The following TMCC1 variants were observed in gnomAD, a reference collection of about 807,000 sequenced individuals.
The protein encoded by TMCC1 is transmembrane and coiled-coil domains protein 1.
Under a neutral mutation model 52.4 loss-of-function variants are expected in TMCC1, and 15 were observed. The ratio of observed to expected loss-of-function variants is 0.29; its 90% confidence interval spans 0.19 to 0.44. The LOEUF is 0.44. Among genes scored for constraint, TMCC1 ranks in the 20% least tolerant of loss-of-function variants. TMCC1 has a pLI of 1.00. For missense variants in TMCC1, 503 were observed against 806.0 expected, an observed-to-expected ratio of 0.62 and a Z score of 4.55; for synonymous variants, 279 against 301.9, an observed-to-expected ratio of 0.92 and a Z score of 0.79.
At chr3:129,736,289 T>C (rs936703777) in intron 4 of TMCC1, among the ~76,000 whole-genome samples, 6 of 152,180 alleles carry the variant, frequency 3.9e-5, no homozygotes, top group Admixed American at 6.5e-5. Flanking sequence ...TGGCAGGACA[T>C]ACCTGTATCC....
intron 4 of TMCC1, among the ~76,000 whole-genome samples, chr3:129,716,713 G>A (rs568166285): frequency 3.3e-5 from 5 of 152,058 alleles, no homozygotes; most frequent in South Asian, 2.1e-4. Context: ...CAACTGCCCG[G>A]CAGATAAAGC....
At chr3:129,841,336 C>T (rs950750432) in intron 2 of TMCC1, among the ~76,000 whole-genome samples, 20 of 152,168 alleles carry the variant, frequency 1.3e-4, no homozygotes, top group African/African-American at 4.6e-4. Flanking sequence ...CCTGTAATCC[C>T]GGCACTTTGG....
chr3:129,858,167 A>G (rs536398366), intron 2 of TMCC1, among the ~76,000 whole-genome samples: 111 of 152,198 alleles, frequency 7.3e-4, no homozygotes, highest in African/African-American at 2.6e-3. Flanking sequence ...CAGCAGGCAG[A>G]AAAACTGGAA....
intron 2 of TMCC1, among the ~76,000 whole-genome samples, chr3:129,856,392 C>A (rs1317657745): frequency 1.3e-5 from 2 of 152,116 alleles, no homozygotes; most frequent in Admixed American, 1.3e-4. Flanking sequence ...CCTATGAAGT[C>A]TATGTTAACT....
At chr3:129,834,492 A>C (rs1388169214) in intron 2 of TMCC1, among the ~76,000 whole-genome samples, 1 of 152,188 alleles carries the variant, frequency 6.6e-6, no homozygotes, top group Non-Finnish European at 1.5e-5. Flanking sequence ...GAAAAACCTA[A>C]AGGCCAAAAC....
At position 129,852,456 on chromosome 3, in the gene TMCC1, CAAAA is replaced by C. The variant is rs1015860543; in HGVS notation, c.-183-19634_-183-19631del. On this transcript the variant is annotated intron_variant, in intron 2 of 6. Coordinates refer to ENST00000393238, the MANE Select transcript of TMCC1 (RefSeq NM_001017395.5). ...TGGGTGACAGAACGAGACACCGTCT[CAAAA>C]AAAAAAAAAAAAAAAAAAAAAGGAA... 1.7e-3 allele frequency among the ~76,000 whole-genome samples: 67 copies of C among 39,826 alleles called. 1 individual carries two copies. In the South Asian group the frequency reaches 0.067, roughly 40 times the overall value. The allele number at this position is 39,826 out of a possible 152,430, so 26.1% of individuals were successfully genotyped here.
At chr3:129,675,472 G>A (rs533834389) in intron 4 of TMCC1, among the ~76,000 whole-genome samples, 1 of 152,266 alleles carries the variant, frequency 6.6e-6, no homozygotes, top group African/African-American at 2.4e-5. Flanking sequence ...AAATATAAAA[G>A]GGCTTAGAAC....
intron 2 of TMCC1, among the ~76,000 whole-genome samples, chr3:129,859,380 C>A (rs974657242): frequency 6.6e-6 from 1 of 151,988 alleles, no homozygotes. Flanking sequence ...ACGCGTTATC[C>A]CAGCACTTTG....
intron 4 of TMCC1, among the ~76,000 whole-genome samples, chr3:129,755,489 CA>C (rs1464913672): frequency 6.6e-6 from 1 of 151,894 alleles, no homozygotes; most frequent in Non-Finnish European, 1.5e-5. Context: ...AAAATATTTG[CA>C]AATCAGAAAT....
chr3:129,790,679 C>CT (rs1438338600), intron 4 of TMCC1, among the ~76,000 whole-genome samples: 2 of 152,146 alleles, frequency 1.3e-5, no homozygotes, highest in Non-Finnish European at 2.9e-5. Flanking sequence ...TAAAGAATGT[C>CT]TAACTCACTG....
intron 1 of TMCC1, among the ~76,000 whole-genome samples, chr3:129,888,487 T>C (rs918763772): frequency 2.6e-5 from 4 of 152,146 alleles, no homozygotes; most frequent in Admixed American, 1.3e-4. Context: ...CCTTGAGAAA[T>C]GACTGATTAC....
At chr3:129,880,859 T>C (rs1047210436) in intron 1 of TMCC1, among the ~76,000 whole-genome samples, 1 of 151,566 alleles carries the variant, frequency 6.6e-6, no homozygotes, top group African/African-American at 2.4e-5. Flanking sequence ...CTGCAAATTT[T>C]TTTTCTTTTT....
chr3:129,845,696 T>C (rs1412770925), intron 2 of TMCC1, among the ~76,000 whole-genome samples: 1 of 152,036 alleles, frequency 6.6e-6, no homozygotes, highest in South Asian at 2.1e-4. Flanking sequence ...GAGAAAAGGG[T>C]TGTGACAACT....
At chr3:129,664,597 T>C (rs534796939) in intron 5 of TMCC1, among the ~76,000 whole-genome samples, 14 of 152,208 alleles carry the variant, frequency 9.2e-5, no homozygotes, top group Admixed American at 2.0e-4. Context: ...ATGGCATTAA[T>C]GCTCATCAAC....
chr3:129,823,656 A>C (rs1346509589), intron 4 of TMCC1, among the ~76,000 whole-genome samples: 1 of 152,190 alleles, frequency 6.6e-6, no homozygotes, highest in African/African-American at 2.4e-5. Flanking sequence ...ACAAAAAAAC[A>C]GTCTGCAATA....
intron 4 of TMCC1, among the ~76,000 whole-genome samples, chr3:129,741,331 A>T (rs1196806709): frequency 6.6e-6 from 1 of 152,184 alleles, no homozygotes; most frequent in Non-Finnish European, 1.5e-5. Context: ...TTTCAAATAT[A>T]ATAATCCCTT....
intron 4 of TMCC1, among the ~76,000 whole-genome samples, chr3:129,773,174 T>C (rs1057289716): frequency 3.9e-5 from 6 of 152,332 alleles, no homozygotes; most frequent in African/African-American, 1.2e-4. Flanking sequence ...TGGAATACCA[T>C]GCAACTTTAA....
At chr3:129,809,717 G>C (rs570515331) in intron 4 of TMCC1, among the ~76,000 whole-genome samples, 5 of 152,270 alleles carry the variant, frequency 3.3e-5, no homozygotes, top group Non-Finnish European at 7.4e-5. Context: ...TTAAAGTACT[G>C]AAATCCTGCA....
In TMCC1 at chr3:129,680,985, C is replaced by T. The variant is rs557987599; in HGVS notation, c.577-9721G>A. ...CATCCTTTCTCCTAAAATTTATTAA[C>T]TATGTATATGCAAAGTATGAAGCAA... is the stretch of plus-strand genomic sequence containing the variant. On this transcript the variant is annotated intron_variant, in intron 4 of 6. Transcript: ENST00000393238. Among the ~76,000 whole-genome samples, 34 of 151,796 alleles carry T rather than the reference C, an allele frequency of 2.2e-4. 1 individual carries two copies. Among genetic ancestry groups the T allele is most frequent in the African/African-American group, 8.0e-4 (33 of 41,366 alleles).
Sources: gnomAD v4.1 joint callset for allele counts (sites outside exome capture counted in the v4.1 genomes callset) on GRCh38, gnomAD v4.1.1 for gene constraint, MANE v1.5 for transcripts, NCBI Gene and HGNC (gene_info 2026-07-23, HGNC 2026-07-21) for gene names.